The following CCDC171 variants were observed in gnomAD, a reference collection of about 807,000 sequenced individuals.
CCDC171 encodes coiled-coil domain-containing protein 171.
In CCDC171, 177 loss-of-function variants were observed where a neutral mutation model predicts 168.2. The observed-to-expected ratio is 1.05, with a 90% CI of 0.93 to 1.19. CCDC171 has a LOEUF of 1.19. Among genes scored for constraint, CCDC171 ranks in the 50% most tolerant of loss-of-function variants. The pLI is 0.00. For missense variants in CCDC171, 1,991 were observed against 1,539.0 expected, an observed-to-expected ratio of 1.29 and a Z score of -4.91; for synonymous variants, 687 against 540.8, an observed-to-expected ratio of 1.27 and a Z score of -3.75.
the CCDC171 span, among the ~76,000 whole-genome samples, chr9:16,078,327 G>T: frequency 4.6e-5 from 7 of 152,164 alleles, no homozygotes; most frequent in Non-Finnish European, 8.8e-5. Flanking sequence ...GGCACGGCAG[G>T]GAGAATTGAG....
intron 11 of CCDC171, among the ~76,000 whole-genome samples, chr9:15,700,273 C>T (rs943266234): frequency 3.3e-5 from 5 of 152,230 alleles, no homozygotes; most frequent in African/African-American, 9.6e-5. Flanking sequence ...CCTCTGCAGC[C>T]GCTGGCCCGG....
intron 21 of CCDC171, among the ~76,000 whole-genome samples, chr9:15,803,997 T>G (rs2058954273): frequency 6.6e-6 from 1 of 152,106 alleles, no homozygotes; most frequent in Non-Finnish European, 1.5e-5. Flanking sequence ...TTGTGGCAAT[T>G]GTGAATGGGA....
At position 15,787,291 on chromosome 9, in the gene CCDC171, C is replaced by T. The variant is rs772793279; in HGVS notation, c.3267+2597C>T. On this transcript the variant is annotated intron_variant, in intron 21 of 25. Transcript: ENST00000380701. ...AATATACATTATTATTAACTGTACT[C>T]ACCTTGCTGTGCAATAGATCACCAA... Among the ~76,000 whole-genome samples, 15 of 152,086 alleles carry T rather than the reference C, an allele frequency of 9.9e-5. No homozygotes were observed. In the East Asian group the frequency reaches 2.7e-3, roughly 27 times the overall value.
downstream of CCDC171, among the ~76,000 whole-genome samples, chr9:16,062,770 G>A (rs944782123): frequency 4.6e-5 from 7 of 152,300 alleles, no homozygotes; most frequent in East Asian, 1.2e-3. Flanking sequence ...AGCACATGAT[G>A]TGTACAAGTA....
At chr9:16,075,038 A>C in the CCDC171 span, among the ~76,000 whole-genome samples, 6 of 152,182 alleles carry the variant, frequency 3.9e-5, no homozygotes, top group African/African-American at 1.4e-4. Context: ...GGTGCATATA[A>C]TTTCAATGAT....
chr9:15,962,669 A>C (rs1477251259), intron 25 of CCDC171, among the ~76,000 whole-genome samples: 1 of 152,086 alleles, frequency 6.6e-6, no homozygotes, highest in African/African-American at 2.4e-5. Flanking sequence ...GTGAACTGCC[A>C]GTTGATAACT....
chr9:15,594,063 G>A lies in CCDC171; in HGVS notation c.566G>A (p.Arg189Gln), dbSNP rs774490109. 1.1e-5 allele frequency: 18 copies of A among 1,591,056 alleles called. No homozygotes were observed. The highest frequency in any genetic ancestry group is 1.4e-5 in the Non-Finnish European group (16 of 1,167,134). ...AAGGAAGCGTTGGAAAAACATCAAC[G>A]GGAGAAGAATGAGATGGAGTCTCAT... ...TLQEALEKHQ[R>Q]EKNEMESHIR... Residue 189 changes from arginine (R) to glutamine (Q), a missense_variant, in exon 6 of 26, where the codon CGG becomes CAG. Physicochemically the swap from Arg to Gln is conservative, Grantham distance 43. Transcript: ENST00000380701.
In CCDC171 at chr9:15,744,466, T is replaced by A; in HGVS notation, c.2243T>A (p.Leu748Ter). ...LYPLYSRSCA[L>*]STQRDFLQEQ... ...CCCCTCTATAGCCGATCATGCGCCT[T>A]GTCTACACAGAGAGATTTTCTCCAG... Residue 748 changes from leucine to a stop codon, truncating the protein, a stop_gained, in exon 17 of 26, where the codon TTG (leucine) becomes TAG (stop). Transcript: ENST00000380701. LOFTEE classifies it high-confidence loss of function. The A allele has an allele frequency of 1.2e-6, 2 of 1,614,084 alleles. No homozygotes were observed. The highest frequency in any genetic ancestry group is 1.7e-6 in the Non-Finnish European group (2 of 1,180,030).
chr9:15,711,268 G>T (rs1195971617), intron 11 of CCDC171, among the ~76,000 whole-genome samples: 2 of 152,120 alleles, frequency 1.3e-5, no homozygotes, highest in Non-Finnish European at 2.9e-5. Flanking sequence ...TTAAGGCTTG[G>T]CCTCTGATTT....
intron 7 of CCDC171, among the ~76,000 whole-genome samples, chr9:15,656,657 A>G (rs541682527): frequency 6.6e-6 from 1 of 152,352 alleles, no homozygotes; most frequent in African/African-American, 2.4e-5. Flanking sequence ...ATATGATTCA[A>G]TTTATATACA....
rs192570663 is a variant in CCDC171 at position 15,599,764 on chromosome 9, G to C, written c.675+5592G>C. ...AGTGTTCTCCACTTGGTTCCATTCT[G>C]CCCGTCACTTTCAGGTACACCCATC... On this transcript the variant is annotated intron_variant, in intron 6 of 25. Coordinates refer to ENST00000380701, the MANE Select transcript of CCDC171 (RefSeq NM_173550.4). 8.9e-4 allele frequency among the ~76,000 whole-genome samples: 136 copies of C among 152,160 alleles called. 1 individual carries two copies. Among genetic ancestry groups the C allele is most frequent in the Non-Finnish European group, 2.4e-4 (16 of 68,002 alleles).
chr9:16,107,940 A>G, the CCDC171 span, among the ~76,000 whole-genome samples: 1 of 152,206 alleles, frequency 6.6e-6, no homozygotes, highest in Non-Finnish European at 1.5e-5. Flanking sequence ...ACATAATGTA[A>G]CTATTATAAA....
chr9:15,796,413 C>T (rs528213567), intron 21 of CCDC171, among the ~76,000 whole-genome samples: 2 of 151,770 alleles, frequency 1.3e-5, no homozygotes, highest in South Asian at 2.1e-4. Context: ...AATGAGATGA[C>T]AGAATAACGA....
intron 21 of CCDC171, among the ~76,000 whole-genome samples, chr9:15,804,301 C>T (rs184366683): frequency 2.0e-5 from 3 of 152,176 alleles, no homozygotes; most frequent in Admixed American, 2.0e-4. Context: ...GCAACCTTGT[C>T]TTCTGTTGGT....
At chr9:15,600,508 G>A (rs1587310450) in intron 6 of CCDC171, among the ~76,000 whole-genome samples, 2 of 152,162 alleles carry the variant, frequency 1.3e-5, no homozygotes, top group Non-Finnish European at 2.9e-5. Flanking sequence ...TTTTGTCGCA[G>A]AGGAGTACCC....
At chr9:16,059,616 G>A (rs370196663) in intron 1 of CCDC171, among the ~76,000 whole-genome samples, 46 of 142,276 alleles carry the variant, frequency 3.2e-4, no homozygotes, top group African/African-American at 1.2e-3. Context: ...CCAGGTTCAC[G>A]CCATTCTCCT....
chr9:15,607,209 A>T (rs1237253044), intron 6 of CCDC171, among the ~76,000 whole-genome samples: 1 of 152,162 alleles, frequency 6.6e-6, no homozygotes, highest in Non-Finnish European at 1.5e-5. Flanking sequence ...AATGCTACCT[A>T]GATCATGTTA....
chr9:16,058,494 C>T (rs74951997), intron 1 of CCDC171, among the ~76,000 whole-genome samples: 2,782 of 152,260 alleles, frequency 0.018, 103 homozygotes, highest in African/African-American at 0.064. Flanking sequence ...ATTCTCCACA[C>T]GGGGGCCTGT....
chr9:15,630,057 C>T (rs1176860909), intron 7 of CCDC171, among the ~76,000 whole-genome samples: 1 of 152,200 alleles, frequency 6.6e-6, no homozygotes, highest in East Asian at 1.9e-4. Flanking sequence ...CAACCGGTAC[C>T]AGCCATTGCA....
Sources: allele counts gnomAD v4.1 joint callset (sites outside exome capture counted in the v4.1 genomes callset), GRCh38; gene constraint gnomAD v4.1.1; transcripts MANE v1.5; gene names NCBI Gene and HGNC (gene_info 2026-07-23, HGNC 2026-07-21).